The following CCNY variants were observed in gnomAD, a reference collection of about 807,000 sequenced individuals.
The protein encoded by CCNY is cyclin Y, also known as cyclin-Y.
A neutral mutation model predicts 42.8 loss-of-function variants in CCNY; 19 were observed. The ratio of observed to expected loss-of-function variants is 0.44; its 90% CI spans 0.31 to 0.65. The LOEUF (loss-of-function observed/expected upper bound fraction) is 0.65, where lower values mean the gene tolerates loss of function less well. Ranked by LOEUF, CCNY falls within the 30% of genes least tolerant of loss-of-function variation. The pLI, the probability that CCNY is intolerant of heterozygous loss-of-function variation, is 0.07. For missense variants in CCNY, 370 were observed against 437.3 expected (o/e 0.85, Z 1.37); for synonymous variants, 165 against 162.7 (o/e 1.01, Z -0.11).
At chr10:35,361,048 G>A (rs1836673604) in intron 1 of CCNY, among the ~76,000 whole-genome samples, 2 of 152,068 alleles carry the variant, frequency 1.3e-5, no homozygotes, top group African/African-American at 4.8e-5. Flanking sequence ...TTTAGTAGAC[G>A]GGGTTTCGTC....
chr10:35,342,614 C>T (rs1294910253), intron 1 of CCNY, among the ~76,000 whole-genome samples: 1 of 152,186 alleles, frequency 6.6e-6, no homozygotes, highest in East Asian at 1.9e-4. Flanking sequence ...GTTTCTTGCC[C>T]AGGTCATGCA....
rs1258122561 is a variant in CCNY at position 35,282,382 on chromosome 10, C to T, written c.-9+31756C>T. Among the ~76,000 whole-genome samples, 4 of 152,188 alleles carry T rather than the reference C, an allele frequency of 2.6e-5. No individual in the cohort carries two copies. The East Asian group carries it at 7.7e-4, about 29-fold the overall frequency. ...GCTCATGAGATCCTCTCACTTTAGC[C>T]TCCCAAAGTGCTGGGATTACAGGTG... On this transcript the variant is annotated intron_variant, in intron 3 of 11. Coordinates refer to the CCNY transcript ENST00000374706.
intron 1 of CCNY, among the ~76,000 whole-genome samples, chr10:35,354,853 C>T (rs1836509796): frequency 1.4e-5 from 2 of 139,894 alleles, no homozygotes; most frequent in African/African-American, 2.5e-5. Flanking sequence ...CCTTCAGTAT[C>T]TTAATAGTAA....
At chr10:35,560,697 A>T (rs908915349) in intron 8 of CCNY, among the ~76,000 whole-genome samples, 1 of 152,242 alleles carries the variant, frequency 6.6e-6, no homozygotes, top group African/African-American at 2.4e-5. Flanking sequence ...GCTGCTGGAG[A>T]TATCTGTGGA....
intron 7 of CCNY, among the ~76,000 whole-genome samples, chr10:35,533,071 T>C (rs1366286353): frequency 6.6e-6 from 1 of 152,212 alleles, no homozygotes; most frequent in Non-Finnish European, 1.5e-5. Flanking sequence ...GGGGCCTTAA[T>C]GTGCAGGTCG....
At chr10:35,332,628 G>C (rs1480071599), upstream of CCNY, among the ~76,000 whole-genome samples, 3 of 152,068 alleles carry the variant, frequency 2.0e-5, no homozygotes, top group South Asian at 6.2e-4. Context: ...TTTTTGAGAC[G>C]GAGTCTTGCT....
chr10:35,248,982 C>T (rs1057125999), intron 2 of CCNY, among the ~76,000 whole-genome samples: 2 of 152,208 alleles, frequency 1.3e-5, no homozygotes, highest in Non-Finnish European at 2.9e-5. Flanking sequence ...GGGTCTCACT[C>T]TGTTGCCCAG....
At chr10:35,330,157 C>T (rs1376581717) in intron 3 of CCNY, among the ~76,000 whole-genome samples, 1 of 152,200 alleles carries the variant, frequency 6.6e-6, no homozygotes, top group Non-Finnish European at 1.5e-5. Flanking sequence ...AATAAATCCC[C>T]TCCCAATGCC....
intron 1 of CCNY, chr10:35,394,817 T>C (rs1837487496): frequency 1.0e-6 from 1 of 984,528 alleles, no homozygotes; most frequent in Admixed American, 6.1e-5. Context: ...CCTGTTTAGG[T>C]GACCCCAGTG....
chr10:35,357,105 C>T (rs1031642080), intron 1 of CCNY, among the ~76,000 whole-genome samples: 1 of 55,114 alleles, frequency 1.8e-5, no homozygotes, highest in Non-Finnish European at 3.5e-5. Context: ...TTGGGCATCC[C>T]GCATCACCCC....
At chr10:35,449,744 G>T (rs1838874887) in intron 1 of CCNY, 1 of 985,318 alleles carries the variant, frequency 1.0e-6, no homozygotes, top group Non-Finnish European at 1.2e-6. Flanking sequence ...AGATGGCAGG[G>T]TGAGCACAAT....
intron 1 of CCNY, among the ~76,000 whole-genome samples, chr10:35,342,894 C>T (rs983919170): frequency 3.3e-5 from 5 of 152,086 alleles, no homozygotes; most frequent in Non-Finnish European, 5.9e-5. Flanking sequence ...ATCTGAACCT[C>T]CTGATGGCCT....
intron 3 of CCNY, among the ~76,000 whole-genome samples, chr10:35,267,189 T>C (rs2095726417): frequency 6.6e-6 from 1 of 151,578 alleles, no homozygotes; most frequent in Non-Finnish European, 1.5e-5. Flanking sequence ...GCTCCTGTAA[T>C]CCCTCCGCTT....
At chr10:35,290,222 TCACACACACACACACACACA>T (rs368209050) in intron 3 of CCNY, among the ~76,000 whole-genome samples, 2 of 122,908 alleles carry the variant, frequency 1.6e-5, no homozygotes, top group East Asian at 4.9e-4. Context: ...CAAGACTCCA[TCACACACACACACACACACA>T]CACACACACA....
At chr10:35,351,899 A>G (rs1474707388) in intron 1 of CCNY, among the ~76,000 whole-genome samples, 1 of 152,194 alleles carries the variant, frequency 6.6e-6, no homozygotes, top group African/African-American at 2.4e-5. Context: ...CTAAAGAGCC[A>G]TTTATTATAC....
At chr10:35,482,784 G>GTGTGTGTGTA (rs1839700175) in intron 1 of CCNY, among the ~76,000 whole-genome samples, 1 of 150,180 alleles carries the variant, frequency 6.7e-6, no homozygotes, top group Non-Finnish European at 1.5e-5. Flanking sequence ...GTGTGTGTGT[G>GTGTGTGTGTA]TGTGTGTGTG....
intron 1 of CCNY, among the ~76,000 whole-genome samples, chr10:35,436,955 C>A (rs1838547624): frequency 6.6e-6 from 1 of 152,180 alleles, no homozygotes; most frequent in Non-Finnish European, 1.5e-5. Context: ...CACAGTTCCA[C>A]ATGGCTGGAG....
chr10:35,319,144 T>C (rs1305226734), intron 3 of CCNY, among the ~76,000 whole-genome samples: 2 of 152,156 alleles, frequency 1.3e-5, no homozygotes, highest in Non-Finnish European at 2.9e-5. Flanking sequence ...TTAAAATTAT[T>C]TGTAGAGATG....
chr10:35,511,276 C>T (rs1024694026), intron 3 of CCNY, among the ~76,000 whole-genome samples: 1 of 152,146 alleles, frequency 6.6e-6, no homozygotes, highest in African/African-American at 2.4e-5. Flanking sequence ...CCAGTCTGTA[C>T]CTCCAAGACA....
Sources: gnomAD v4.1 joint callset for allele counts (sites outside exome capture counted in the v4.1 genomes callset) on GRCh38, gnomAD v4.1.1 for gene constraint, MANE v1.5 for transcripts, NCBI Gene and HGNC (gene_info 2026-07-23, HGNC 2026-07-21) for gene names.